SPHKAP: variants seen among roughly 807,000 people sequenced by gnomAD.
The protein encoded by SPHKAP is SPHK1 interactor, AKAP domain containing, also known as A-kinase anchor protein SPHKAP.
In SPHKAP, 67 loss-of-function variants were observed where a neutral mutation model predicts 137.5. The observed-to-expected ratio is 0.49, with a 90% CI of 0.40 to 0.60. SPHKAP has a LOEUF of 0.60. SPHKAP is among the 20% of genes least tolerant of loss of function. The pLI, the probability that SPHKAP is intolerant of heterozygous loss-of-function variation, is 0.00. For synonymous variants in SPHKAP, 813 were observed against 785.3 expected (o/e 1.04, Z -0.59); for missense variants, 2,097 against 2,069.3 (o/e 1.01, Z -0.26).
At chr2:228,159,344 G>A (rs771160597) in intron 1 of SPHKAP, among the ~76,000 whole-genome samples, 17 of 152,140 alleles carry the variant, frequency 1.1e-4, no homozygotes, top group South Asian at 4.1e-4. Flanking sequence ...AATGAAAACC[G>A]TAGGCCATCT....
chr2:228,127,611 G>A (rs1003316278), intron 2 of SPHKAP, among the ~76,000 whole-genome samples: 4 of 152,062 alleles, frequency 2.6e-5, no homozygotes, highest in African/African-American at 9.7e-5. Flanking sequence ...TCCAAGTTTG[G>A]GTGTATATTC....
chr2:228,165,708 G>A (rs1287849745), intron 1 of SPHKAP, among the ~76,000 whole-genome samples: 2 of 152,200 alleles, frequency 1.3e-5, no homozygotes, highest in Non-Finnish European at 2.9e-5. Flanking sequence ...AAAAGATCAA[G>A]TGTCCTTGTT....
At chr2:228,142,692 G>A (rs889435983) in intron 1 of SPHKAP, among the ~76,000 whole-genome samples, 17 of 152,144 alleles carry the variant, frequency 1.1e-4, no homozygotes, top group Non-Finnish European at 1.8e-4. Context: ...ACACTGGGGC[G>A]TTTTGGAGGG....
At chr2:228,087,112 G>A (rs887620905) in intron 3 of SPHKAP, among the ~76,000 whole-genome samples, 2 of 152,130 alleles carry the variant, frequency 1.3e-5, no homozygotes, top group Non-Finnish European at 2.9e-5. Context: ...AAAGATGGAG[G>A]AAAGACAGTC....
chr2:228,152,549 G>A (rs192952106), intron 1 of SPHKAP, among the ~76,000 whole-genome samples: 118 of 151,832 alleles, frequency 7.8e-4, no homozygotes, highest in South Asian at 5.6e-3. Context: ...GTTGATAATC[G>A]TTGTATTTTA....
intron 4 of SPHKAP, among the ~76,000 whole-genome samples, chr2:228,026,167 C>G (rs1016001953): frequency 3.3e-5 from 5 of 152,164 alleles, no homozygotes; most frequent in Non-Finnish European, 5.9e-5. Flanking sequence ...CCTCCCCAGC[C>G]AGGTGGAACT....
intron 3 of SPHKAP, among the ~76,000 whole-genome samples, chr2:228,091,323 A>C (rs1697722416): frequency 6.6e-6 from 1 of 152,254 alleles, no homozygotes; most frequent in Non-Finnish European, 1.5e-5. Context: ...TCTAGAAGAT[A>C]ACATTGGAAA....
intron 1 of SPHKAP, among the ~76,000 whole-genome samples, chr2:228,155,713 T>C (rs1039756595): frequency 5.9e-5 from 9 of 152,316 alleles, no homozygotes; most frequent in African/African-American, 2.2e-4. Flanking sequence ...CCAACTATGG[T>C]GATTATGTAA....
intron 1 of SPHKAP, among the ~76,000 whole-genome samples, chr2:228,172,079 G>T (rs934970004): frequency 2.0e-5 from 3 of 151,964 alleles, no homozygotes; most frequent in Admixed American, 6.6e-5. Context: ...TCCTATTTAA[G>T]AATGTATAAT....
intron 9 of SPHKAP, among the ~76,000 whole-genome samples, chr2:227,992,232 A>G (rs1427815676): frequency 3.3e-5 from 5 of 152,218 alleles, no homozygotes; most frequent in African/African-American, 4.8e-5. Flanking sequence ...TACTGCTAAG[A>G]TATGGCTGAA....
In SPHKAP at chr2:228,027,508, T is replaced by G. The variant is rs139756992; in HGVS notation, c.282A>C (p.Glu94Asp). ...CCTGTTGCAGGTGCTCTGTGCTGCA[T>G]TCATCCTTGTTCACATCAAGATTCA... ...CFVNLDVNKDECSTEHLQQKL... is the reference protein window; with the variant it reads ...CFVNLDVNKDDCSTEHLQQKL... Residue 94 changes from glutamate (E) to aspartate (D), a missense_variant, in exon 4 of 12, where the codon GAA becomes GAC. Coordinates refer to ENST00000392056, the MANE Select transcript of SPHKAP (RefSeq NM_001142644.2). The G allele has an allele frequency of 9.9e-6, 16 of 1,613,890 alleles. No individual in the cohort carries two copies. The African/African-American group carries it at 1.7e-4, about 18-fold the overall frequency.
intron 1 of SPHKAP, among the ~76,000 whole-genome samples, chr2:228,141,489 A>G (rs1407325844): frequency 1.3e-5 from 2 of 152,194 alleles, no homozygotes; most frequent in Non-Finnish European, 2.9e-5. Context: ...CAACATTAAT[A>G]TATGCACATT....
At chr2:228,176,154 G>A (rs984016965) in intron 1 of SPHKAP, among the ~76,000 whole-genome samples, 32 of 152,172 alleles carry the variant, frequency 2.1e-4, no homozygotes, top group African/African-American at 7.5e-4. Context: ...TGACAGAACC[G>A]GGATCTTAAT....
intron 7 of SPHKAP, among the ~76,000 whole-genome samples, chr2:228,002,236 T>C (rs1334780979): frequency 6.6e-6 from 1 of 152,128 alleles, no homozygotes; most frequent in Non-Finnish European, 1.5e-5. Context: ...CACCTGTTGT[T>C]TCCTGACTTT....
Position 228,097,695 on chromosome 2 carries a change from T to C in SPHKAP, c.246+11137A>G, listed in dbSNP as rs532254538. On this transcript the variant is annotated intron_variant, in intron 3 of 11. Coordinates refer to ENST00000392056, the MANE Select transcript of SPHKAP (RefSeq NM_001142644.2). The stretch of plus-strand genomic sequence containing the variant: ...CTCTAGCAGTCTCCAGTGTCTGTTG[T>C]TCCCACCTTTATGTCCATGTGTACC... Among the ~76,000 whole-genome samples the C allele has an allele frequency of 7.7e-4, 117 of 152,034 alleles. 1 individual carries two copies. Among genetic ancestry groups the C allele is most frequent in the African/African-American group, 2.6e-3 (108 of 41,438 alleles).
chr2:228,160,048 T>A (rs959371768), intron 1 of SPHKAP, among the ~76,000 whole-genome samples: 2 of 152,138 alleles, frequency 1.3e-5, no homozygotes, highest in Non-Finnish European at 2.9e-5. Flanking sequence ...AAAACCTCCA[T>A]CACTTTGAAG....
At chr2:228,147,719 C>T (rs1699815071) in intron 1 of SPHKAP, among the ~76,000 whole-genome samples, 1 of 152,198 alleles carries the variant, frequency 6.6e-6, no homozygotes, top group Admixed American at 6.5e-5. Context: ...GAGATAACTT[C>T]AGTCAATGGT....
At chr2:228,049,125 T>A (rs1696167009) in intron 3 of SPHKAP, among the ~76,000 whole-genome samples, 1 of 152,168 alleles carries the variant, frequency 6.6e-6, no homozygotes, top group South Asian at 2.1e-4. Context: ...AAAACAACAG[T>A]ACCTATCTCA....
intron 2 of SPHKAP, among the ~76,000 whole-genome samples, chr2:228,113,896 G>A (rs1698613139): frequency 6.6e-6 from 1 of 152,026 alleles, no homozygotes; most frequent in Non-Finnish European, 1.5e-5. Flanking sequence ...TAAAAATGCA[G>A]ACTTCAGTAA....
Sources: gnomAD v4.1 joint callset for allele counts (sites outside exome capture counted in the v4.1 genomes callset) on GRCh38, gnomAD v4.1.1 for gene constraint, MANE v1.5 for transcripts, NCBI Gene and HGNC (gene_info 2026-07-23, HGNC 2026-07-21) for gene names.